Variants in LINGO2 observed in about 807,000 individuals in gnomAD.
LINGO2 encodes the protein leucine rich repeat and Ig domain containing 2, also known as leucine-rich repeat and immunoglobulin-like domain-containing nogo receptor-interacting protein 2.
Under a neutral mutation model 30.6 loss-of-function variants are expected in LINGO2, and 14 were observed. That is an observed-to-expected ratio of 0.46 (90% CI 0.30 to 0.72). The LOEUF (loss-of-function observed/expected upper bound fraction) is 0.72, where lower values mean the gene tolerates loss of function less well. LINGO2 is among the 30% of genes least tolerant of loss of function. The probability of loss-of-function intolerance (pLI) is 0.07; values close to 1 mark genes in which losing one functional copy is unlikely to be tolerated. For synonymous variants in LINGO2, 317 were observed against 288.5 expected (o/e 1.10, Z -1.00); for missense variants, 729 against 751.7 (o/e 0.97, Z 0.35).
At chr9:28,037,818 ACCTCTTAAAACACCT>A (rs1824010270) in intron 4 of LINGO2, among the ~76,000 whole-genome samples, 2 of 152,286 alleles carry the variant, frequency 1.3e-5, no homozygotes, top group African/African-American at 4.8e-5. Flanking sequence ...GTAAGACACA[ACCTCTTAAAACACCT>A]ATTTGGAGGC....
At chr9:28,797,551 A>C in the LINGO2 span, among the ~76,000 whole-genome samples, 1 of 151,826 alleles carries the variant, frequency 6.6e-6, no homozygotes, top group African/African-American at 2.4e-5. Context: ...ACAATGACCC[A>C]AGATTTTGAT....
the LINGO2 span, among the ~76,000 whole-genome samples, chr9:29,161,923 GTTTTT>G: frequency 1.4e-5 from 2 of 142,938 alleles, no homozygotes; most frequent in African/African-American, 2.5e-5. Flanking sequence ...CTTCAGATGT[GTTTTT>G]TTTTTTTTTG....
At chr9:29,080,269 T>G in the LINGO2 span, among the ~76,000 whole-genome samples, 1 of 152,180 alleles carries the variant, frequency 6.6e-6, no homozygotes, top group Non-Finnish European at 1.5e-5. Context: ...TAGTTTGTAT[T>G]TCTGTGGGAT....
chr9:28,045,308 G>A (rs1210983499), intron 4 of LINGO2, among the ~76,000 whole-genome samples: 1 of 151,344 alleles, frequency 6.6e-6, no homozygotes, highest in Non-Finnish European at 1.5e-5. Flanking sequence ...CAGAGGGAGA[G>A]TTAAACTTTG....
At chr9:28,309,997 A>C (rs1388569296) in intron 3 of LINGO2, among the ~76,000 whole-genome samples, 1 of 152,154 alleles carries the variant, frequency 6.6e-6, no homozygotes, top group African/African-American at 2.4e-5. Flanking sequence ...AAAAAGGCTT[A>C]TCTTACCAAG....
At chr9:28,043,836 CAAAACAAACAATAATTCCCTAT>C (rs760673318) in intron 4 of LINGO2, among the ~76,000 whole-genome samples, 2 of 152,132 alleles carry the variant, frequency 1.3e-5, no homozygotes, top group Non-Finnish European at 2.9e-5. Context: ...CTGATAGCTA[CAAAACAAACAATAATTCCCTAT>C]AATCAAGTAT....
At chr9:28,583,750 A>G (rs1824385707) in intron 1 of LINGO2, among the ~76,000 whole-genome samples, 1 of 152,090 alleles carries the variant, frequency 6.6e-6, no homozygotes, top group African/African-American at 2.4e-5. Context: ...CATATTCTAC[A>G]TAATGCTGCT....
the LINGO2 span, chr9:27,939,602 G>C: frequency 1.3e-5 from 2 of 152,232 alleles, no homozygotes; most frequent in African/African-American, 4.8e-5. Flanking sequence ...GAGGCTTAAA[G>C]AAACTCTGGA....
chr9:28,639,289 A>G (rs1827449706), intron 1 of LINGO2, among the ~76,000 whole-genome samples: 1 of 152,164 alleles, frequency 6.6e-6, no homozygotes, highest in South Asian at 2.1e-4. Flanking sequence ...AGAAGAATGT[A>G]TATTCTGTTG....
At chr9:28,389,953 A>G (rs1230694713) in intron 2 of LINGO2, among the ~76,000 whole-genome samples, 1 of 152,070 alleles carries the variant, frequency 6.6e-6, no homozygotes, top group East Asian at 1.9e-4. Flanking sequence ...CCAACATTCC[A>G]TGCTTCCTTT....
At chr9:28,820,245 TG>T in the LINGO2 span, among the ~76,000 whole-genome samples, 1 of 103,718 alleles carries the variant, frequency 9.6e-6, no homozygotes, top group Non-Finnish European at 1.8e-5. Flanking sequence ...GGAGAAAAGA[TG>T]AAAAAAAAAA....
At chr9:28,222,955 A>G (rs561992480) in intron 4 of LINGO2, among the ~76,000 whole-genome samples, 4 of 152,270 alleles carry the variant, frequency 2.6e-5, no homozygotes, top group African/African-American at 9.6e-5. Flanking sequence ...TGAAATCATT[A>G]TATATTTCTA....
At chr9:28,207,611 T>C (rs1020396777) in intron 4 of LINGO2, among the ~76,000 whole-genome samples, 1 of 152,076 alleles carries the variant, frequency 6.6e-6, no homozygotes, top group Admixed American at 6.6e-5. Context: ...TTCTAAATAA[T>C]CTTTCTCTTT....
intron 4 of LINGO2, among the ~76,000 whole-genome samples, chr9:28,156,130 A>G (rs1232224859): frequency 6.6e-6 from 1 of 152,108 alleles, no homozygotes; most frequent in African/African-American, 2.4e-5. Context: ...AGTTTGGGGG[A>G]TTCTATCTTT....
chr9:28,187,846 T>C (rs531960958), intron 4 of LINGO2, among the ~76,000 whole-genome samples: 2 of 152,324 alleles, frequency 1.3e-5, no homozygotes, highest in East Asian at 3.9e-4. Flanking sequence ...TCTAAACTTC[T>C]ATGATTTAAT....
the LINGO2 span, among the ~76,000 whole-genome samples, chr9:28,900,297 A>T: frequency 0.9 from 136,090 of 151,970 alleles, 61,217 homozygotes; most frequent in Non-Finnish European, 0.94. Flanking sequence ...CCAGACCCTA[A>T]GGACCAAAAC....
chr9:28,716,178 T>A, the LINGO2 span, among the ~76,000 whole-genome samples: 1 of 151,118 alleles, frequency 6.6e-6, no homozygotes, highest in Non-Finnish European at 1.5e-5. Flanking sequence ...AAAAACAACA[T>A]AAACAATAAA....
At chr9:28,306,691 CAAA>C (rs1306040171) in intron 3 of LINGO2, among the ~76,000 whole-genome samples, 1 of 151,724 alleles carries the variant, frequency 6.6e-6, no homozygotes, top group Non-Finnish European at 1.5e-5. Flanking sequence ...GCAAGACTAA[CAAA>C]GAAGAAAAGA....
At chr9:28,109,316 T>A (rs989617718) in intron 4 of LINGO2, among the ~76,000 whole-genome samples, 5 of 152,186 alleles carry the variant, frequency 3.3e-5, no homozygotes, top group Non-Finnish European at 5.9e-5. Flanking sequence ...GCTGGAAGCA[T>A]TCCCTTTGAA....
Sources: allele counts gnomAD v4.1 joint callset (sites outside exome capture counted in the v4.1 genomes callset), GRCh38; gene constraint gnomAD v4.1.1; transcripts MANE v1.5; gene names NCBI Gene and HGNC (gene_info 2026-07-23, HGNC 2026-07-21).